The following SEC23IP variants were observed in gnomAD, a reference collection of about 807,000 sequenced individuals.
The protein encoded by SEC23IP is SEC23 interacting protein.
Under a neutral mutation model 113.4 loss-of-function variants are expected in SEC23IP, and 70 were observed. The ratio of observed to expected loss-of-function variants is 0.62; its 90% confidence interval spans 0.51 to 0.75. The LOEUF is 0.75. Among genes scored for constraint, SEC23IP ranks in the 30% least tolerant of loss-of-function variants. SEC23IP has a pLI of 0.00. For missense variants in SEC23IP, 1,160 were observed against 1,204.9 expected, an observed-to-expected ratio of 0.96 and a Z score of 0.55; for synonymous variants, 398 against 421.0, an observed-to-expected ratio of 0.95 and a Z score of 0.67.
At chr10:119,901,719 C>G (rs958425625) in intron 2 of SEC23IP, among the ~76,000 whole-genome samples, 5 of 152,090 alleles carry the variant, frequency 3.3e-5, no homozygotes, top group Admixed American at 1.3e-4. Context: ...GAGACAGAGT[C>G]TCTGTCACTC....
At chr10:119,901,418 A>G (rs1456069031) in intron 2 of SEC23IP, among the ~76,000 whole-genome samples, 1 of 151,990 alleles carries the variant, frequency 6.6e-6, no homozygotes, top group Non-Finnish European at 1.5e-5. Context: ...TGAGTTAAAT[A>G]TTATTTAATC....
chr10:119,908,771 C>G (rs1481672830), intron 4 of SEC23IP, among the ~76,000 whole-genome samples: 2 of 152,132 alleles, frequency 1.3e-5, no homozygotes, highest in African/African-American at 2.4e-5. Flanking sequence ...GTTTGTGATA[C>G]TTTGTTAATG....
chr10:119,900,802 T>G (rs1159157723), intron 2 of SEC23IP, among the ~76,000 whole-genome samples: 1 of 152,144 alleles, frequency 6.6e-6, no homozygotes, highest in Non-Finnish European at 1.5e-5. Context: ...AAGTCTAGTC[T>G]GATTTTAAAA....
intron 1 of SEC23IP, among the ~76,000 whole-genome samples, chr10:119,895,067 C>T (rs1343643434): frequency 6.6e-6 from 1 of 152,150 alleles, no homozygotes; most frequent in East Asian, 1.9e-4. Flanking sequence ...AAGAGAGACA[C>T]AGGAAGCAAT....
chr10:119,917,747 T>C, intron 8 of SEC23IP, 89 bp from the exon 9 acceptor site: 1 of 901,302 alleles, frequency 1.1e-6, no homozygotes, highest in Non-Finnish European at 1.7e-6. Flanking sequence ...CTTAGTGTAT[T>C]TTCAGGAGTC....
intron 1 of SEC23IP, 135 bp from the exon 2 acceptor site, chr10:119,898,292 T>G (rs954464236): frequency 8.0e-5 from 100 of 1,255,392 alleles, no homozygotes; most frequent in Non-Finnish European, 9.5e-5. Flanking sequence ...GAAAAAACTG[T>G]TTTTTTCTGT....
At chr10:119,938,126 TAAA>T (rs71019734) in intron 18 of SEC23IP, among the ~76,000 whole-genome samples, 13 of 138,702 alleles carry the variant, frequency 9.4e-5, no homozygotes, top group Middle Eastern at 3.7e-3. Context: ...CCTCGTCTCT[TAAA>T]AAAAAAAAAA....
intron 16 of SEC23IP, 76 bp downstream of exon 16, chr10:119,932,394 G>A: frequency 8.8e-7 from 1 of 1,130,650 alleles, no homozygotes; most frequent in Non-Finnish European, 1.3e-6. Flanking sequence ...ATATGATGAT[G>A]CATTTCCTTT....
chr10:119,926,294 G>A lies in SEC23IP; in HGVS notation c.2313+67G>A, dbSNP rs914533965. On this transcript the variant is annotated intron_variant, in intron 13 of 18. Transcript: ENST00000369075. ...AATCATAATCTTTATCATTTGGGTT[G>A]GCTTTAAGTTCTTTAAATATTTATT... 2.9e-6 allele frequency: 4 copies of A among 1,388,158 alleles called. No homozygotes were observed. In the Admixed American group the frequency reaches 6.9e-5, roughly 24 times the overall value. 86.0% of individuals were successfully genotyped at this position (1,388,158 alleles called of 1,614,324 possible).
At chr10:119,905,640 C>G (rs1329724945) in intron 4 of SEC23IP, among the ~76,000 whole-genome samples, 1 of 152,150 alleles carries the variant, frequency 6.6e-6, no homozygotes, top group African/African-American at 2.4e-5. Flanking sequence ...CCTCTTCTGT[C>G]AGAGCACTAA....
chr10:119,897,588 CT>C (rs746572060), intron 1 of SEC23IP, among the ~76,000 whole-genome samples: 2 of 152,194 alleles, frequency 1.3e-5, no homozygotes, highest in Admixed American at 6.5e-5. Flanking sequence ...TGACACACCC[CT>C]TCTTGTCAAC....
At chr10:119,916,328 G>A (rs943926578) in intron 8 of SEC23IP, among the ~76,000 whole-genome samples, 4 of 152,090 alleles carry the variant, frequency 2.6e-5, no homozygotes, top group South Asian at 2.1e-4. Context: ...CTTTGCTGTC[G>A]CAGTGCAGAC....
chr10:119,926,705 T>C (rs1855436831), intron 13 of SEC23IP, among the ~76,000 whole-genome samples: 1 of 152,240 alleles, frequency 6.6e-6, no homozygotes, highest in African/African-American at 2.4e-5. Context: ...TTAGAATTAT[T>C]AAAATCCTTT....
At chr10:119,893,141 G>T (rs1202334458) in intron 1 of SEC23IP, among the ~76,000 whole-genome samples, 196 bp downstream of exon 1, 1 of 152,166 alleles carries the variant, frequency 6.6e-6, no homozygotes, top group Non-Finnish European at 1.5e-5. Flanking sequence ...TGCTCTTCAC[G>T]GAAACCCCCT....
At position 119,938,930 on chromosome 10, in the gene SEC23IP, A is replaced by G. The variant is rs139758836; in HGVS notation, c.*21-1656A>G. 4.6e-3 allele frequency among the ~76,000 whole-genome samples: 698 copies of G among 152,312 alleles called. 5 individuals carry two copies. Among genetic ancestry groups the G allele is most frequent in the Middle Eastern group, 0.017 (5 of 294 alleles). ...TAAAATGTTAACAATTATTCTATAC[A>G]TAGTTCATTCAAGCTTAGATCAGTT... is the stretch of plus-strand genomic sequence containing the variant. On this transcript the variant is annotated intron_variant, in intron 18 of 18. Transcript: ENST00000369075.
rs1466750858 is a variant in SEC23IP, at chr10:119,892,805, G to C, written c.23G>C (p.Gly8Ala). Reference protein sequence around the residue: MAERKPNGGSGGASTSSS... With the variant: MAERKPNAGSGGASTSSS... Reference sequence around the variant, plus strand: ...GCCATGGCCGAGAGAAAACCTAACGGTGGCAGCGGCGGCGCCTCCACTTCC... The same window carrying C: ...GCCATGGCCGAGAGAAAACCTAACGCTGGCAGCGGCGGCGCCTCCACTTCC... The change falls in exon 1 of 19, where the codon GGT (glycine) becomes GCT (alanine). Residue 8 changes from glycine to alanine, a missense_variant. Coordinates refer to ENST00000369075, the MANE Select transcript of SEC23IP (RefSeq NM_007190.4). 18 of 1,612,178 alleles carry C rather than the reference G, an allele frequency of 1.1e-5. No individual in the cohort carries two copies. Among genetic ancestry groups the C allele is most frequent in the Non-Finnish European group, 1.5e-5 (18 of 1,179,264 alleles).
chr10:119,893,763 G>A (rs1055483223), intron 1 of SEC23IP, among the ~76,000 whole-genome samples: 2 of 152,044 alleles, frequency 1.3e-5, no homozygotes, highest in South Asian at 4.2e-4. Context: ...CAAGTGATCC[G>A]CCTGCCCTGG....
chr10:119,917,107 G>A (rs1589836719), intron 8 of SEC23IP, among the ~76,000 whole-genome samples: 1 of 152,134 alleles, frequency 6.6e-6, no homozygotes, highest in Non-Finnish European at 1.5e-5. Context: ...GGGCTCAAGC[G>A]GTCCTCCTGC....
In SEC23IP at chr10:119,898,475, C is replaced by G; in HGVS notation, c.212C>G (p.Ser71Cys). The change falls in exon 2 of 19, where the codon TCT (serine) becomes TGT (cysteine). Residue 71 changes from serine to cysteine, a missense_variant. By Grantham distance (112) the Ser-to-Cys change is moderately radical (BLOSUM62 -1). Coordinates refer to ENST00000369075, the MANE Select transcript of SEC23IP (RefSeq NM_007190.4). Reference protein sequence around the residue: ...GEEDSFLGQTSIHTSAPQTFS... With the variant: ...GEEDSFLGQTCIHTSAPQTFS... The stretch of plus-strand genomic sequence containing the variant: ...GAGGACAGCTTCCTTGGTCAGACTT[C>G]TATTCACACATCTGCCCCACAGACA... The G allele has an allele frequency of 1.9e-6, 3 of 1,614,104 alleles. No individual in the cohort carries two copies. Among genetic ancestry groups the G allele is most frequent in the Non-Finnish European group, 2.5e-6 (3 of 1,179,978 alleles).
Sources: allele counts gnomAD v4.1 joint callset (sites outside exome capture counted in the v4.1 genomes callset), GRCh38; gene constraint gnomAD v4.1.1; transcripts MANE v1.5; gene names NCBI Gene and HGNC (gene_info 2026-07-23, HGNC 2026-07-21).